The following ITCH variants were observed in gnomAD, a reference collection of about 807,000 sequenced individuals.
The protein encoded by ITCH is itchy E3 ubiquitin protein ligase.
A neutral mutation model predicts 126.8 loss-of-function variants in ITCH; 28 were observed. That is an observed-to-expected ratio of 0.22 (90% CI 0.16 to 0.30). ITCH has a LOEUF of 0.30. Ranked by LOEUF, ITCH falls within the 10% of genes least tolerant of loss-of-function variation. The probability of loss-of-function intolerance (pLI) is 1.00; values close to 1 mark genes in which losing one functional copy is unlikely to be tolerated. For synonymous variants in ITCH, 342 were observed against 340.0 expected, an observed-to-expected ratio of 1.01 and a Z score of -0.06; for missense variants, 631 against 1,032.4, an observed-to-expected ratio of 0.61 and a Z score of 5.33.
At chr20:34,414,506 A>G (rs1343552068) in intron 6 of ITCH, among the ~76,000 whole-genome samples, 4 of 81,384 alleles carry the variant, frequency 4.9e-5, no homozygotes, top group South Asian at 3.3e-4. Context: ...TGCTCTTGTT[A>G]TCCAGGCTGG....
intron 2 of ITCH, among the ~76,000 whole-genome samples, chr20:34,381,064 C>T (rs2038041697): frequency 2.0e-5 from 3 of 151,806 alleles, no homozygotes; most frequent in Admixed American, 2.0e-4. Context: ...CTGGGATTAC[C>T]GGTGTGAGCC....
chr20:34,432,976 A>G (rs1982510842), intron 7 of ITCH, among the ~76,000 whole-genome samples: 1 of 150,500 alleles, frequency 6.6e-6, no homozygotes, highest in South Asian at 2.1e-4. Context: ...AAACAAACAA[A>G]CAAAAAAACA....
chr20:34,506,815 G>A (rs555457483), intron 24 of ITCH, among the ~76,000 whole-genome samples: 8 of 151,954 alleles, frequency 5.3e-5, no homozygotes, highest in Admixed American at 2.0e-4. Flanking sequence ...GTGTAGAATC[G>A]TACCTTATTT....
intron 20 of ITCH, among the ~76,000 whole-genome samples, chr20:34,484,572 C>T (rs913304547): frequency 3.9e-4 from 59 of 152,194 alleles, no homozygotes; most frequent in African/African-American, 1.2e-3. Flanking sequence ...AGATGTACTA[C>T]GTTTCTCAAT....
In ITCH at chr20:34,440,193, G is replaced by C; in HGVS notation, c.718G>C (p.Asp240His). 2 of 1,613,814 alleles carry C rather than the reference G, an allele frequency of 1.2e-6. No individual in the cohort carries two copies. Among genetic ancestry groups the C allele is most frequent in the Middle Eastern group, 3.3e-4 (2 of 6,062 alleles). The change falls in exon 9 of 25, where the codon GAT becomes CAT. Residue 240 changes from aspartate to histidine, a missense_variant. Transcript: ENST00000374864. ...TTCACCATCTGCCACTTCTGAAAGT[G>C]ATGGGTCTAGTACAGGCTCTCTGCC... ...NGSPSATSES[D>H]GSSTGSLPPT...
At chr20:34,384,643 G>A (rs2038203282) in intron 2 of ITCH, among the ~76,000 whole-genome samples, 1 of 144,714 alleles carries the variant, frequency 6.9e-6, no homozygotes, top group Non-Finnish European at 1.5e-5. Flanking sequence ...GATGAGGCAT[G>A]GTGGATATTA....
intron 23 of ITCH, among the ~76,000 whole-genome samples, chr20:34,495,837 G>A (rs1196203312): frequency 1.3e-5 from 2 of 151,280 alleles, no homozygotes; most frequent in South Asian, 4.2e-4. Context: ...GTTGTTGGGC[G>A]GCTGAGATGG....
intron 6 of ITCH, among the ~76,000 whole-genome samples, chr20:34,420,453 G>A (rs1980607759): frequency 6.6e-6 from 1 of 152,120 alleles, no homozygotes. Flanking sequence ...GTGTATATTT[G>A]TGCCACAATT....
At chr20:34,481,300 G>C in intron 20 of ITCH, 94 bp downstream of exon 20, 1 of 1,340,590 alleles carries the variant, frequency 7.5e-7, no homozygotes, top group African/African-American at 1.4e-5. Context: ...TCCAAAAATA[G>C]TATTTGTCTC....
chr20:34,490,128 G>A (rs1989409104), intron 22 of ITCH, among the ~76,000 whole-genome samples: 2 of 152,054 alleles, frequency 1.3e-5, no homozygotes, highest in East Asian at 3.9e-4. Flanking sequence ...TTGCATCTTT[G>A]TCCAAAGTAG....
At chr20:34,476,325 G>T (rs1653548683) in intron 16 of ITCH, 2 of 1,153,218 alleles carry the variant, frequency 1.7e-6, no homozygotes, top group South Asian at 1.3e-5. Context: ...TCAGCGGCCG[G>T]CTCGCCTCCG....
chr20:34,463,120 T>A (rs1568969649), intron 14 of ITCH, among the ~76,000 whole-genome samples: 2 of 152,200 alleles, frequency 1.3e-5, no homozygotes, highest in Non-Finnish European at 2.9e-5. Context: ...CCCAGCGCTT[T>A]GGGAGGCCAA....
At chr20:34,390,419 T>C (rs1269064455) in intron 2 of ITCH, among the ~76,000 whole-genome samples, 2 of 151,210 alleles carry the variant, frequency 1.3e-5, no homozygotes, top group Non-Finnish European at 2.9e-5. Context: ...CTGTAATACA[T>C]GGTATAGAAT....
At chr20:34,408,910 CTTTT>C in intron 4 of ITCH, 118 bp downstream of exon 4, 2 of 772,120 alleles carry the variant, frequency 2.6e-6, no homozygotes, top group Non-Finnish European at 3.9e-6. Flanking sequence ...TTTCTCTCTT[CTTTT>C]TTTTTTTTTC....
At chr20:34,479,336 T>C (rs1318860748) in intron 17 of ITCH, among the ~76,000 whole-genome samples, 1 of 152,234 alleles carries the variant, frequency 6.6e-6, no homozygotes, top group Non-Finnish European at 1.5e-5. Context: ...GAAATTACGA[T>C]GTATCTCAGG....
In ITCH at chr20:34,413,766, A is replaced by G. The variant is rs1979397503; in HGVS notation, c.362A>G (p.Gln121Arg). The G allele has an allele frequency of 6.2e-7, 1 of 1,609,752 alleles. No homozygotes were observed. Among genetic ancestry groups the G allele is most frequent in the African/African-American group, 1.3e-5 (1 of 74,798 alleles). Reference sequence around the variant, plus strand: ...GTTGAAGAAGTAGTTGTGACTTTGCAGCTTGGAGGTGACAAAGAGCCAACA... The same window carrying G: ...GTTGAAGAAGTAGTTGTGACTTTGCGGCTTGGAGGTGACAAAGAGCCAACA... ...MKLEEVVVTL[Q>R]LGGDKEPTET... Residue 121 changes from glutamine (Q) to arginine (R), a missense_variant, in exon 6 of 25, where the codon CAG becomes CGG. Gln to Arg is a conservative substitution (Grantham distance 43). Coordinates refer to ENST00000374864, the MANE Select transcript of ITCH (RefSeq NM_031483.7).
chr20:34,402,544 G>A (rs1317657206), intron 3 of ITCH: 1 of 732,946 alleles, frequency 1.4e-6, no homozygotes, highest in Admixed American at 1.8e-5. Context: ...TTGCTCTGCA[G>A]TATCAAAAAG....
At chr20:34,395,126 G>A (rs1461923136) in intron 3 of ITCH, among the ~76,000 whole-genome samples, 1 of 151,884 alleles carries the variant, frequency 6.6e-6, no homozygotes, top group Non-Finnish European at 1.5e-5. Flanking sequence ...CCAGCTACTT[G>A]GGAGGCTGAG....
intron 20 of ITCH, 51 bp downstream of exon 20, chr20:34,481,257 G>C: frequency 2.6e-6 from 4 of 1,543,320 alleles, no homozygotes; most frequent in Non-Finnish European, 3.6e-6. Flanking sequence ...ACAGCACATT[G>C]ATAATTGCTT....
Sources: allele counts gnomAD v4.1 joint callset (sites outside exome capture counted in the v4.1 genomes callset), GRCh38; gene constraint gnomAD v4.1.1; transcripts MANE v1.5; gene names NCBI Gene and HGNC (gene_info 2026-07-23, HGNC 2026-07-21).